Variants in NR2C2 observed in about 807,000 individuals in gnomAD.
NR2C2 encodes the protein nuclear receptor subfamily 2 group C member 2, also known as Nuclear hormone receptor TR4.
Under a neutral mutation model 62.9 loss-of-function variants are expected in NR2C2, and 6 were observed. The ratio of observed to expected loss-of-function variants is 0.10; its 90% confidence interval spans 0.05 to 0.19. NR2C2 has a LOEUF of 0.19. NR2C2 is among the 10% of genes least tolerant of loss of function. NR2C2 has a pLI of 1.00. For synonymous variants in NR2C2, 272 were observed against 273.8 expected (o/e 0.99, Z 0.07); for missense variants, 479 against 762.7 (o/e 0.63, Z 4.38).
intron 1 of NR2C2, among the ~76,000 whole-genome samples, chr3:14,994,262 G>C (rs1458975055): frequency 6.6e-6 from 1 of 151,810 alleles, no homozygotes; most frequent in African/African-American, 2.4e-5. Flanking sequence ...AATTATCACA[G>C]AGAAAACATT....
intron 1 of NR2C2, among the ~76,000 whole-genome samples, chr3:14,967,327 C>CT (rs1157129975): frequency 1.3e-5 from 2 of 151,610 alleles, no homozygotes; most frequent in Non-Finnish European, 2.9e-5. Flanking sequence ...TGGATTTTCT[C>CT]TATTGTTTTT....
chr3:15,004,621 T>TA, intron 2 of NR2C2: 2 of 1,611,730 alleles, frequency 1.2e-6, no homozygotes, highest in East Asian at 4.5e-5. Flanking sequence ...AAGGTAGGTG[T>TA]ATCAAGCTTG....
chr3:14,950,567 G>A (rs186488688), intron 1 of NR2C2, among the ~76,000 whole-genome samples: 2 of 117,598 alleles, frequency 1.7e-5, no homozygotes, highest in Non-Finnish European at 3.2e-5. Flanking sequence ...ATTGGCTCAA[G>A]CATCACTTCT....
At chr3:14,950,734 A>G (rs1238557210) in intron 1 of NR2C2, among the ~76,000 whole-genome samples, 2 of 152,212 alleles carry the variant, frequency 1.3e-5, no homozygotes, top group Admixed American at 1.3e-4. Flanking sequence ...GCAGGAATAC[A>G]TTTTGTTTAC....
chr3:15,013,445 A>T, intron 2 of NR2C2, 144 bp from the exon 3 acceptor site: 1 of 666,708 alleles, frequency 1.5e-6, no homozygotes, highest in Middle Eastern at 4.2e-4. Context: ...TATTTTTCTC[A>T]GTTCACCGTG....
intron 1 of NR2C2, among the ~76,000 whole-genome samples, chr3:14,998,242 C>G (rs906398174): frequency 3.3e-5 from 5 of 152,130 alleles, no homozygotes; most frequent in African/African-American, 1.2e-4. Context: ...TGTATACAAG[C>G]TTTTGTGTAG....
chr3:14,993,311 G>A lies in NR2C2; in HGVS notation c.-39-10565G>A, dbSNP rs950946922. On this transcript the variant is annotated intron_variant, in intron 1 of 13. Transcript: ENST00000425241. ...TCTACTAAAAATACAAAAATTAGCC[G>A]GGCATGGTGGTGGGTGCCTGTAATC... Among the ~76,000 whole-genome samples the A allele has an allele frequency of 2.4e-4, 37 of 151,970 alleles. 4 individuals carry two copies. Among genetic ancestry groups the A allele is most frequent in the South Asian group, 2.3e-3 (11 of 4,802 alleles).
chr3:14,957,667 C>T (rs2039565486), intron 1 of NR2C2, among the ~76,000 whole-genome samples: 1 of 152,152 alleles, frequency 6.6e-6, no homozygotes. Context: ...GCCCTGTTGT[C>T]ATTTGTGTGC....
rs2042331842 is a variant in NR2C2 at position 15,043,187 on chromosome 3, CTGACA to C, written c.*181_*185del. 3 of 445,982 alleles carry C rather than the reference CTGACA, an allele frequency of 6.7e-6. No homozygotes were observed. The highest frequency in any genetic ancestry group is 2.2e-4 in the South Asian group (2 of 9,238). 27.6% of individuals were successfully genotyped at this position (445,982 alleles called of 1,614,324 possible). ...ATTAAAAGACTAGTAGGATCCTTTCCTGACATAAGAAATGTTTTAATGCCTTTTGA... is the reference window on the plus strand; with the variant it reads ...ATTAAAAGACTAGTAGGATCCTTTCCTAAGAAATGTTTTAATGCCTTTTGA... On this transcript the variant is annotated 3_prime_UTR_variant, in exon 14 of 14. Coordinates refer to ENST00000425241, the MANE Select transcript of NR2C2 (RefSeq NM_001291694.2).
At chr3:14,989,536 T>G (rs912577539) in intron 1 of NR2C2, among the ~76,000 whole-genome samples, 2 of 152,154 alleles carry the variant, frequency 1.3e-5, no homozygotes, top group Non-Finnish European at 2.9e-5. Context: ...AGCTCACACC[T>G]GTAATTCCAG....
At chr3:14,962,254 C>T (rs185919138) in intron 1 of NR2C2, among the ~76,000 whole-genome samples, 1 of 152,356 alleles carries the variant, frequency 6.6e-6, no homozygotes, top group East Asian at 1.9e-4. Context: ...GGAGGCGGTG[C>T]AGCATATACA....
intron 12 of NR2C2, chr3:15,038,608 G>A (rs1026969342): frequency 6.0e-6 from 1 of 165,776 alleles, no homozygotes; most frequent in African/African-American, 2.4e-5. Context: ...ACGATGCCTG[G>A]GCTGGCCTCA....
At chr3:14,981,411 G>C (rs1206499139) in intron 1 of NR2C2, among the ~76,000 whole-genome samples, 1 of 151,996 alleles carries the variant, frequency 6.6e-6, no homozygotes, top group Non-Finnish European at 1.5e-5. Context: ...AGACCACCCT[G>C]GCTAACACGG....
chr3:15,013,452 C>T (rs965549122), intron 2 of NR2C2, 137 bp from the exon 3 acceptor site: 20 of 705,208 alleles, frequency 2.8e-5, no homozygotes, highest in Middle Eastern at 3.9e-4. Context: ...CTCAGTTCAC[C>T]GTGGACTGGT....
rs1368065259 is a variant in NR2C2 at position 15,048,411 on chromosome 3, T to C, written c.*5403T>C. 5 of 152,626 alleles carry C rather than the reference T, an allele frequency of 3.3e-5. No homozygotes were observed. The highest frequency in any genetic ancestry group is 1.3e-4 in the Admixed American group (2 of 15,284). 9.5% of individuals were successfully genotyped at this position (152,626 alleles called of 1,614,324 possible). Reference sequence around the variant, plus strand: ...AACAGCAGTCTACAAATAATTAAAGTGTGAGCTTAAGAAAAGTATCTTTGC... The same window carrying C: ...AACAGCAGTCTACAAATAATTAAAGCGTGAGCTTAAGAAAAGTATCTTTGC... On this transcript the variant is annotated 3_prime_UTR_variant, in exon 14 of 14. Coordinates refer to ENST00000425241, the MANE Select transcript of NR2C2 (RefSeq NM_001291694.2).
chr3:15,000,791 C>G (rs2040967190), intron 1 of NR2C2, among the ~76,000 whole-genome samples: 1 of 149,800 alleles, frequency 6.7e-6, no homozygotes, highest in Non-Finnish European at 1.5e-5. Flanking sequence ...TATTAAGTCA[C>G]AAATGTCTTT....
At chr3:14,963,034 G>C (rs554554711) in intron 1 of NR2C2, among the ~76,000 whole-genome samples, 7 of 152,280 alleles carry the variant, frequency 4.6e-5, no homozygotes, top group African/African-American at 1.7e-4. Context: ...CCTGGAGGTG[G>C]ATCTTCCATT....
intron 1 of NR2C2, among the ~76,000 whole-genome samples, chr3:14,998,970 C>A (rs1341564256): frequency 6.6e-6 from 1 of 152,126 alleles, no homozygotes. Context: ...TGTGCCCCTG[C>A]ATTCTGGCCT....
chr3:15,016,908 CA>C (rs2041525506), intron 4 of NR2C2, among the ~76,000 whole-genome samples: 1 of 152,108 alleles, frequency 6.6e-6, no homozygotes. Context: ...ATGTCTGGCC[CA>C]AAAATTCAAG....
Sources: gnomAD v4.1 joint callset for allele counts (sites outside exome capture counted in the v4.1 genomes callset) on GRCh38, gnomAD v4.1.1 for gene constraint, MANE v1.5 for transcripts, NCBI Gene and HGNC (gene_info 2026-07-23, HGNC 2026-07-21) for gene names.